Variants in DSTYK observed in about 807,000 individuals in gnomAD.
DSTYK encodes RIP-homologous kinase.
A neutral mutation model predicts 98.7 loss-of-function variants in DSTYK; 34 were observed. The ratio of observed to expected loss-of-function variants is 0.34; its 90% CI spans 0.26 to 0.46. The LOEUF is 0.46. Among genes scored for constraint, DSTYK ranks in the 20% least tolerant of loss-of-function variants. The pLI is 1.00. For missense variants in DSTYK, 962 were observed against 1,181.7 expected (o/e 0.81, Z 2.73); for synonymous variants, 462 against 457.3 (o/e 1.01, Z -0.13).
chr1:205,159,973 C>G, intron 8 of DSTYK, 141 bp downstream of exon 8: 1 of 1,029,476 alleles, frequency 9.7e-7, no homozygotes, highest in East Asian at 2.4e-5. Flanking sequence ...CAGTAAAGGC[C>G]TGAAAGGGAG....
chr1:205,199,300 G>A (rs923977885), intron 1 of DSTYK, among the ~76,000 whole-genome samples: 1 of 152,146 alleles, frequency 6.6e-6, no homozygotes, highest in Non-Finnish European at 1.5e-5. Context: ...ACTGCCTAGA[G>A]AAGAAAATAG....
At chr1:205,196,628 A>T (rs1658873517) in intron 1 of DSTYK, among the ~76,000 whole-genome samples, 1 of 152,172 alleles carries the variant, frequency 6.6e-6, no homozygotes, top group African/African-American at 2.4e-5. Context: ...TGCTAGGTCT[A>T]CTGGAAGGAG....
At position 205,146,611 on chromosome 1, in the gene DSTYK, G is replaced by C. The variant is rs11808879; in HGVS notation, c.*947C>G. The C allele has an allele frequency of 6.8e-6, 1 of 146,212 alleles. No individual in the cohort carries two copies. The highest frequency in any genetic ancestry group is 6.9e-5 in the Admixed American group (1 of 14,470). The allele number at this position is 146,212 out of a possible 1,614,324, so 9.1% of individuals were successfully genotyped here. Reference sequence around the variant, plus strand: ...TTTTGAGACAGAGTCTCACTCTGTCGCCCAGGCTGGAGTGCAATGGCATGA... The same window carrying C: ...TTTTGAGACAGAGTCTCACTCTGTCCCCCAGGCTGGAGTGCAATGGCATGA... On this transcript the variant is annotated 3_prime_UTR_variant, in exon 13 of 13. Transcript: ENST00000367162.
chr1:205,156,023 A>C (rs1434078592), intron 10 of DSTYK, among the ~76,000 whole-genome samples: 2 of 152,232 alleles, frequency 1.3e-5, no homozygotes, highest in East Asian at 3.8e-4. Context: ...GGCAGCTTAC[A>C]TGTGGTGTTG....
Position 205,162,120 on chromosome 1 carries a change from G to C in DSTYK, c.1734C>G (p.Ala578=). 1 of 1,614,162 alleles carries C rather than the reference G, an allele frequency of 6.2e-7. No homozygotes were observed. Among genetic ancestry groups the C allele is most frequent in the Non-Finnish European group, 8.5e-7 (1 of 1,180,008 alleles). Residue 578 remains alanine, a synonymous_variant, in exon 6 of 13, where the codon GCC becomes GCG. Coordinates refer to ENST00000367162, the MANE Select transcript of DSTYK (RefSeq NM_015375.3). ...VAQEAIESLS[A]SKLAKSICSQ... is the part of the protein sequence containing the mutation. ...TGCAAATGCTCTTAGCCAATTTGGA[G>C]GCGCTGAGGCTCTCAATGGCTTCCT... is the stretch of plus-strand genomic sequence containing the variant.
In DSTYK at chr1:205,144,283, A is replaced by G. The variant is rs561399031; in HGVS notation, c.*3275T>C. ...TGCCCTAATTATGTTGATTAGAAGG[A>G]CAGACCACAATAAGGGTCATTCTTT... On this transcript the variant is annotated 3_prime_UTR_variant, in exon 13 of 13. Coordinates refer to ENST00000367162, the MANE Select transcript of DSTYK (RefSeq NM_015375.3). 2.6e-5 allele frequency: 4 copies of G among 152,668 alleles called. No individual in the cohort carries two copies. In the South Asian group the frequency reaches 8.3e-4, roughly 32 times the overall value. The allele number at this position is 152,668 out of a possible 1,614,324, so 9.5% of individuals were successfully genotyped here.
At chr1:205,166,228 G>A (rs151139219) in intron 3 of DSTYK, among the ~76,000 whole-genome samples, 72 of 151,824 alleles carry the variant, frequency 4.7e-4, no homozygotes, top group African/African-American at 1.6e-3. Flanking sequence ...GCTGGGGGAT[G>A]GTGTCTTTAT....
intron 3 of DSTYK, among the ~76,000 whole-genome samples, chr1:205,167,557 C>T (rs1030591687): frequency 2.6e-5 from 4 of 151,960 alleles, no homozygotes; most frequent in Non-Finnish European, 5.9e-5. Flanking sequence ...GTAAAGGGAG[C>T]GTATGGAGGA....
intron 1 of DSTYK, among the ~76,000 whole-genome samples, chr1:205,201,684 CA>C (rs1170384888): frequency 6.6e-6 from 1 of 152,146 alleles, no homozygotes; most frequent in Non-Finnish European, 1.5e-5. Context: ...ACTGGGGGTA[CA>C]AAATGAGTAA....
At chr1:205,182,410 C>A (rs1391218051) in intron 2 of DSTYK, among the ~76,000 whole-genome samples, 1 of 142,198 alleles carries the variant, frequency 7.0e-6, no homozygotes, top group Non-Finnish European at 1.5e-5. Flanking sequence ...AAAGCCAAAA[C>A]AAACCAAAAC....
intron 1 of DSTYK, among the ~76,000 whole-genome samples, chr1:205,192,467 G>A (rs957305488): frequency 8.5e-5 from 13 of 152,230 alleles, no homozygotes; most frequent in South Asian, 2.1e-4. Flanking sequence ...TGGGGAGGTC[G>A]AGGCTGCAGT....
intron 1 of DSTYK, among the ~76,000 whole-genome samples, chr1:205,206,165 T>G (rs547136083): frequency 1.3e-5 from 2 of 152,374 alleles, no homozygotes; most frequent in Admixed American, 1.3e-4. Flanking sequence ...TATTTGACTC[T>G]TTATCCCCCA....
intron 7 of DSTYK, among the ~76,000 whole-genome samples, chr1:205,160,741 G>A (rs575497741): frequency 1.3e-5 from 2 of 151,866 alleles, no homozygotes; most frequent in South Asian, 4.2e-4. Flanking sequence ...TAATCTAACT[G>A]GTTTAATTCA....
chr1:205,171,260 G>A (rs1470681550), intron 2 of DSTYK, among the ~76,000 whole-genome samples: 6 of 151,884 alleles, frequency 4.0e-5, no homozygotes, highest in Admixed American at 3.3e-4. Context: ...AGATCAGCCT[G>A]GCCAAGATGG....
At position 205,169,115 on chromosome 1, in the gene DSTYK, T is replaced by C; in HGVS notation, c.1324+48A>G. 6.8e-7 allele frequency: 1 copy of C among 1,468,920 alleles called. No homozygotes were observed. Among genetic ancestry groups the C allele is most frequent in the Non-Finnish European group, 9.2e-7 (1 of 1,085,348 alleles). The allele number at this position is 1,468,920 out of a possible 1,614,324, so 91.0% of individuals were successfully genotyped here. ...TCTTAATTTCCGGCTAGAAAATGGT[T>C]AGAGACTCCTCCCGTGCCAGCACCC... On this transcript the variant is annotated intron_variant, in intron 3 of 12. Transcript: ENST00000367162. This position sits in a 1 kb window ranked among gnomAD's most constrained non-coding sequence, Gnocchi z 4.0.
intron 2 of DSTYK, among the ~76,000 whole-genome samples, chr1:205,175,387 C>T (rs1266352689): frequency 6.6e-6 from 1 of 152,150 alleles, no homozygotes; most frequent in Non-Finnish European, 1.5e-5. Context: ...CCACCGTGCC[C>T]GCCAGAAGCT....
At chr1:205,159,445 A>T (rs1657652157) in intron 9 of DSTYK, 102 bp downstream of exon 9, 15 of 1,340,412 alleles carry the variant, frequency 1.1e-5, no homozygotes, top group Non-Finnish European at 1.5e-5. Flanking sequence ...TACTCCAACA[A>T]TCTCTGATGA....
At chr1:205,181,658 GTGTGTGTGTGTGTGT>G (rs1658406541) in intron 2 of DSTYK, among the ~76,000 whole-genome samples, 4 of 69,146 alleles carry the variant, frequency 5.8e-5, no homozygotes. Flanking sequence ...GTTGGGGTTT[GTGTGTGTGTGTGTGT>G]GTGTGTGTGT....
At chr1:205,151,978 A>C (rs1221479204) in intron 10 of DSTYK, among the ~76,000 whole-genome samples, 5 of 152,172 alleles carry the variant, frequency 3.3e-5, no homozygotes, top group Admixed American at 3.3e-4. Context: ...TGAAAAGATA[A>C]AAAGTATAGT....
Sources: allele counts gnomAD v4.1 joint callset (sites outside exome capture counted in the v4.1 genomes callset), GRCh38; gene constraint gnomAD v4.1.1; non-coding constraint Gnocchi (gnomAD v3.1); transcripts MANE v1.5; gene names NCBI Gene and HGNC (gene_info 2026-07-23, HGNC 2026-07-21).